The following C6 variants were observed in gnomAD, a reference collection of about 807,000 sequenced individuals.
C6 encodes the protein complement component C6.
Under a neutral mutation model 112.9 loss-of-function variants are expected in C6, and 101 were observed. That is an observed-to-expected ratio of 0.89 (90% confidence interval 0.76 to 1.06). The LOEUF is 1.06. C6 is among the 50% of genes least tolerant of loss of function. C6 has a pLI of 0.00. For missense variants in C6, 1,202 were observed against 1,104.6 expected, an observed-to-expected ratio of 1.09 and a Z score of -1.25; for synonymous variants, 431 against 384.1, an observed-to-expected ratio of 1.12 and a Z score of -1.43.
chr5:41,149,135 A>C, intron 17 of C6, 106 bp downstream of exon 17: 1 of 1,375,874 alleles, frequency 7.3e-7, no homozygotes. Flanking sequence ...TTACAATGAA[A>C]AGGAATTATT....
At chr5:41,159,422 A>G (rs1416036672) in intron 11 of C6, 169 bp from the exon 12 acceptor site, 41 of 982,966 alleles carry the variant, frequency 4.2e-5, no homozygotes, top group Admixed American at 6.2e-5. Flanking sequence ...GGCCTGACAC[A>G]TTGCCTGATT....
intron 1 of C6, among the ~76,000 whole-genome samples, chr5:41,206,630 T>C (rs74906644): frequency 0.062 from 9,434 of 152,202 alleles, 391 homozygotes; most frequent in African/African-American, 0.12. Context: ...GTTTCAGTGA[T>C]TGAAGATCAA....
chr5:41,146,895 G>C (rs1349422926), intron 17 of C6, among the ~76,000 whole-genome samples: 1 of 150,990 alleles, frequency 6.6e-6, no homozygotes, highest in East Asian at 1.9e-4. Context: ...AAATTTGTGG[G>C]AAGATAGCAA....
intron 1 of C6, among the ~76,000 whole-genome samples, chr5:41,204,465 G>A (rs1751268877): frequency 1.3e-5 from 2 of 152,178 alleles, no homozygotes; most frequent in Middle Eastern, 3.4e-3. Flanking sequence ...TGTCCCAGAG[G>A]ATGAGTTTCT....
Position 41,149,188 on chromosome 5 carries a change from G to A in C6, c.2623+53C>T. 5 of 1,597,774 alleles carry A rather than the reference G, an allele frequency of 3.1e-6. No individual in the cohort carries two copies. The East Asian group carries it at 8.9e-5, about 29-fold the overall frequency. On this transcript the variant is annotated intron_variant, in intron 17 of 17. Coordinates refer to ENST00000337836, the MANE Select transcript of C6 (RefSeq NM_000065.5). Reference sequence around the variant, plus strand: ...TATTTTTAAGAAAGATGATGTACTAGCTGAGATGAAGGTTAAGTGAGAGCA... The same window carrying A: ...TATTTTTAAGAAAGATGATGTACTAACTGAGATGAAGGTTAAGTGAGAGCA...
chr5:41,206,774 C>T lies in C6; in HGVS notation c.-20-3524G>A, dbSNP rs138306538. On this transcript the variant is annotated intron_variant, in intron 1 of 17. Coordinates refer to ENST00000337836, the MANE Select transcript of C6 (RefSeq NM_000065.5). ...ATTGGTGTACCTGAAAGTGACAGGG[C>T]GAGTGGAACCGAGTTGGAAAACACT... 1.6e-3 allele frequency among the ~76,000 whole-genome samples: 251 copies of T among 152,206 alleles called. 1 individual carries two copies. The highest frequency in any genetic ancestry group is 3.1e-3 in the South Asian group (15 of 4,818).
chr5:41,255,491 T>C (rs1380211318), intron 1 of C6, among the ~76,000 whole-genome samples: 1 of 151,884 alleles, frequency 6.6e-6, no homozygotes, highest in Non-Finnish European at 1.5e-5. Flanking sequence ...TTATAGGAAA[T>C]ATATATAGTA....
intron 1 of C6, among the ~76,000 whole-genome samples, chr5:41,241,231 G>A (rs117389282): frequency 6.6e-6 from 1 of 152,186 alleles, no homozygotes; most frequent in Admixed American, 6.5e-5. Context: ...TCTGCCAGTG[G>A]CAGCCAGTCT....
At chr5:41,182,125 G>A (rs77204816) in intron 6 of C6, among the ~76,000 whole-genome samples, 26 of 152,198 alleles carry the variant, frequency 1.7e-4, no homozygotes, top group East Asian at 5.8e-4. Context: ...TAGTCATTAC[G>A]CTGTTTACAA....
At position 41,194,273 on chromosome 5, in the gene C6, C is replaced by T. The variant is rs576379786; in HGVS notation, c.587+1519G>A. On this transcript the variant is annotated intron_variant, in intron 5 of 17. Transcript: ENST00000337836. The stretch of plus-strand genomic sequence containing the variant: ...CAGCACTAATTAGAAATTCTTAGGA[C>T]AGAACATCACATCAGTTTATAGTCA... Among the ~76,000 whole-genome samples, 34 of 152,196 alleles carry T rather than the reference C, an allele frequency of 2.2e-4. 1 individual carries two copies. The highest frequency in any genetic ancestry group is 7.9e-4 in the African/African-American group (33 of 41,540).
intron 15 of C6, 145 bp downstream of exon 15, chr5:41,153,665 A>G: frequency 7.8e-6 from 5 of 641,958 alleles, no homozygotes; most frequent in African/African-American, 1.8e-5. Context: ...GAGCTATTGC[A>G]TAGTTCCGGT....
upstream of C6, among the ~76,000 whole-genome samples, chr5:41,213,785 T>C (rs1354552694): frequency 3.9e-5 from 6 of 152,328 alleles, no homozygotes; most frequent in Non-Finnish European, 8.8e-5. Context: ...GTATAGATTC[T>C]TAGTTTTTGA....
chr5:41,162,949 G>A (rs1747658593), intron 9 of C6, among the ~76,000 whole-genome samples: 1 of 152,062 alleles, frequency 6.6e-6, no homozygotes, highest in Admixed American at 6.6e-5. Context: ...GACTGACAGT[G>A]GCTTCGTCAT....
intron 9 of C6, among the ~76,000 whole-genome samples, chr5:41,167,607 GA>G: frequency 6.6e-6 from 1 of 152,038 alleles, no homozygotes; most frequent in Non-Finnish European, 1.5e-5. Context: ...TGTGTATTAT[GA>G]AAAAAATGCA....
chr5:41,228,862 G>A (rs936235251), intron 1 of C6, among the ~76,000 whole-genome samples: 2 of 152,150 alleles, frequency 1.3e-5, no homozygotes, highest in Non-Finnish European at 2.9e-5. Flanking sequence ...CAGTTTGCAG[G>A]TATTTTATGG....
At chr5:41,177,638 G>A (rs1748966326) in intron 7 of C6, among the ~76,000 whole-genome samples, 1 of 152,176 alleles carries the variant, frequency 6.6e-6, no homozygotes, top group South Asian at 2.1e-4. Flanking sequence ...CTATAAGTAT[G>A]GCAAAAGATG....
intron 1 of C6, among the ~76,000 whole-genome samples, chr5:41,250,682 A>G (rs1346181209): frequency 6.6e-6 from 1 of 152,188 alleles, no homozygotes; most frequent in Non-Finnish European, 1.5e-5. Context: ...GAATGAGATC[A>G]CATAGAGTAT....
At chr5:41,260,136 T>G (rs1741955468) in intron 1 of C6, among the ~76,000 whole-genome samples, 1 of 152,212 alleles carries the variant, frequency 6.6e-6, no homozygotes, top group Non-Finnish European at 1.5e-5. Flanking sequence ...TCCTCAAAAG[T>G]AATTCAGATG....
intron 14 of C6, among the ~76,000 whole-genome samples, 188 bp from the exon 15 acceptor site, chr5:41,154,186 A>T (rs1387838208): frequency 6.6e-6 from 1 of 152,226 alleles, no homozygotes; most frequent in Non-Finnish European, 1.5e-5. Flanking sequence ...CTTCATTGAA[A>T]AATTCCCTTT....
Sources: allele counts gnomAD v4.1 joint callset (sites outside exome capture counted in the v4.1 genomes callset), GRCh38; gene constraint gnomAD v4.1.1; transcripts MANE v1.5; gene names NCBI Gene and HGNC (gene_info 2026-07-23, HGNC 2026-07-21).